The following ADGRV1 variants were observed in gnomAD, a reference collection of about 807,000 sequenced individuals.
ADGRV1 encodes the protein G-protein coupled receptor 98.
A neutral mutation model predicts 596.2 loss-of-function variants in ADGRV1; 359 were observed. The ratio of observed to expected loss-of-function variants is 0.60; its 90% CI spans 0.55 to 0.66. The LOEUF is 0.66. Among genes scored for constraint, ADGRV1 ranks in the 30% least tolerant of loss-of-function variants. ADGRV1 has a pLI of 0.00. For missense variants in ADGRV1, 7,274 were observed against 7,575.6 expected, an observed-to-expected ratio of 0.96 and a Z score of 1.48; for synonymous variants, 2,681 against 2,679.2, an observed-to-expected ratio of 1.00 and a Z score of -0.02.
chr5:91,132,155 G>C (rs1794272974), intron 87 of ADGRV1, among the ~76,000 whole-genome samples: 1 of 152,126 alleles, frequency 6.6e-6, no homozygotes, highest in African/African-American at 2.4e-5. Context: ...TGGCATGACA[G>C]ATTCTTGACT....
At chr5:90,676,307 T>G in intron 25 of ADGRV1, 98 bp downstream of exon 25, 1 of 1,098,884 alleles carries the variant, frequency 9.1e-7, no homozygotes, top group Non-Finnish European at 1.3e-6. Context: ...GAATTAATCT[T>G]ACTTAAATAA....
chr5:91,000,237 G>A (rs974236674), intron 85 of ADGRV1, among the ~76,000 whole-genome samples: 5 of 151,934 alleles, frequency 3.3e-5, no homozygotes, highest in African/African-American at 1.2e-4. Context: ...CATGCATTGA[G>A]TATACCTCAG....
chr5:90,967,510 A>G (rs1778581137), intron 84 of ADGRV1, among the ~76,000 whole-genome samples: 1 of 152,196 alleles, frequency 6.6e-6, no homozygotes, highest in African/African-American at 2.4e-5. Flanking sequence ...AAACTTTTTT[A>G]AATGTGCCCT....
intron 84 of ADGRV1, among the ~76,000 whole-genome samples, chr5:90,975,980 G>C (rs1014792976): frequency 6.6e-6 from 1 of 151,738 alleles, no homozygotes; most frequent in Non-Finnish European, 1.5e-5. Flanking sequence ...GTTCTGATTT[G>C]GTTTCATTTT....
At chr5:91,009,414 A>G (rs1035930677) in intron 85 of ADGRV1, among the ~76,000 whole-genome samples, 1 of 152,184 alleles carries the variant, frequency 6.6e-6, no homozygotes, top group African/African-American at 2.4e-5. Flanking sequence ...AAGGCAAATA[A>G]TACAGCTCTA....
chr5:91,009,313 G>A (rs569151505), intron 85 of ADGRV1, among the ~76,000 whole-genome samples: 6 of 152,078 alleles, frequency 3.9e-5, no homozygotes, highest in East Asian at 3.9e-4. Context: ...GGATTTCCTC[G>A]GATAAAAACT....
rs752804553 is a variant in ADGRV1 at position 90,651,694 on chromosome 5, A to T, written c.3380A>T (p.Asp1127Val). The T allele has an allele frequency of 6.2e-7, 1 of 1,612,906 alleles. No individual in the cohort carries two copies. Among genetic ancestry groups the T allele is most frequent in the South Asian group, 1.1e-5 (1 of 90,992 alleles). Residue 1127 changes from aspartate (D) to valine (V), a missense_variant, in exon 18 of 90, where the codon GAC (aspartate) becomes GTC (valine). Coordinates refer to ENST00000405460, the MANE Select transcript of ADGRV1 (RefSeq NM_032119.4). ...GGCATTTTTTCTCTGGAGCCCATAG[A>T]CAAAGCAGTGGAAGAAGGAAAGACT... The part of the protein sequence containing the change: ...PNGIFSLEPI[D>V]KAVEEGKTNA...
chr5:90,742,057 T>C (rs1197710230), intron 50 of ADGRV1, among the ~76,000 whole-genome samples: 1 of 152,170 alleles, frequency 6.6e-6, no homozygotes, highest in East Asian at 1.9e-4. Context: ...TAGTAGTTAA[T>C]AGATATTTTT....
At chr5:90,977,616 T>C (rs1779721736) in intron 84 of ADGRV1, among the ~76,000 whole-genome samples, 1 of 152,216 alleles carries the variant, frequency 6.6e-6, no homozygotes, top group African/African-American at 2.4e-5. Context: ...ATCATAACTA[T>C]GGCCTATGAC....
At chr5:90,575,559 G>A (rs887203537) in intron 1 of ADGRV1, among the ~76,000 whole-genome samples, 2 of 152,160 alleles carry the variant, frequency 1.3e-5, no homozygotes, top group African/African-American at 2.4e-5. Context: ...GCAGCTGGCC[G>A]CTTACCTTGC....
At chr5:91,011,499 C>A (rs1426812107) in intron 85 of ADGRV1, among the ~76,000 whole-genome samples, 1 of 151,874 alleles carries the variant, frequency 6.6e-6, no homozygotes, top group East Asian at 1.9e-4. Context: ...TAGGGAATTT[C>A]ACTCCACATT....
At chr5:90,810,123 A>T in intron 73 of ADGRV1, 110 bp from the exon 74 acceptor site, 1 of 837,536 alleles carries the variant, frequency 1.2e-6, no homozygotes, top group Non-Finnish European at 1.8e-6. Flanking sequence ...CGTCATTGTT[A>T]AGTTGCTGCC....
At chr5:90,894,745 A>C (rs112860083) in intron 83 of ADGRV1, among the ~76,000 whole-genome samples, 17 of 152,260 alleles carry the variant, frequency 1.1e-4, no homozygotes, top group African/African-American at 4.1e-4. Context: ...TCTAAGAATG[A>C]ATATGGAACC....
At chr5:90,614,178 T>A (rs12108970) in intron 1 of ADGRV1, 4,312 of 349,792 alleles carry the variant, frequency 0.012, 127 homozygotes, top group African/African-American at 0.064. Context: ...AAAAAGAAAG[T>A]TGTCATGGAA....
intron 85 of ADGRV1, among the ~76,000 whole-genome samples, chr5:91,000,668 CTGTGTGTGTGTGTGTGTGTGTG>C (rs6149110): frequency 4.3e-5 from 6 of 141,154 alleles, no homozygotes; most frequent in Admixed American, 2.2e-4. Flanking sequence ...CTTACAGGAT[CTGTGTGTGTGTGTGTGTGTGTG>C]TGTGTGTGTG....
At chr5:90,863,633 G>T in intron 82 of ADGRV1, 124 bp from the exon 83 acceptor site, 1 of 722,240 alleles carries the variant, frequency 1.4e-6, no homozygotes. Context: ...ATCTTTTCCA[G>T]AGGTACTGGG....
chr5:90,596,800 C>T (rs1760718089), intron 1 of ADGRV1, among the ~76,000 whole-genome samples: 2 of 151,364 alleles, frequency 1.3e-5, no homozygotes, highest in East Asian at 3.9e-4. Flanking sequence ...GAGAGGGAGA[C>T]CATGGGGAGA....
intron 85 of ADGRV1, among the ~76,000 whole-genome samples, chr5:90,992,329 T>C (rs1781039730): frequency 6.6e-6 from 1 of 152,264 alleles, no homozygotes; most frequent in Non-Finnish European, 1.5e-5. Flanking sequence ...TAATACCTTG[T>C]TCTCTTAGTT....
At chr5:91,048,557 T>G (rs1216818450) in intron 85 of ADGRV1, among the ~76,000 whole-genome samples, 1 of 152,152 alleles carries the variant, frequency 6.6e-6, no homozygotes, top group Non-Finnish European at 1.5e-5. Context: ...ATAGCACAAT[T>G]GTAGGTATCT....
Sources: allele counts gnomAD v4.1 joint callset (sites outside exome capture counted in the v4.1 genomes callset), GRCh38; gene constraint gnomAD v4.1.1; transcripts MANE v1.5; gene names NCBI Gene and HGNC (gene_info 2026-07-23, HGNC 2026-07-21).